SNX29: variants seen among roughly 807,000 people sequenced by gnomAD.
The protein encoded by SNX29 is sorting nexin-29.
A neutral mutation model predicts 102.1 loss-of-function variants in SNX29; 78 were observed. The observed-to-expected ratio is 0.76, with a 90% CI of 0.64 to 0.92. The LOEUF (loss-of-function observed/expected upper bound fraction) is 0.92, where lower values mean the gene tolerates loss of function less well. Among genes scored for constraint, SNX29 ranks in the 40% least tolerant of loss-of-function variants. The pLI is 0.00. For synonymous variants in SNX29, 580 were observed against 414.5 expected, an observed-to-expected ratio of 1.40 and a Z score of -4.85; for missense variants, 1,280 against 1,061.7, an observed-to-expected ratio of 1.21 and a Z score of -2.86.
chr16:12,064,189 CCCCT>C (rs1177907876), intron 9 of SNX29, among the ~76,000 whole-genome samples: 2 of 152,174 alleles, frequency 1.3e-5, no homozygotes, highest in Admixed American at 6.5e-5. Context: ...TTAGCTGGGC[CCCCT>C]GAACCATCAG....
At chr16:12,387,897 A>G (rs1455147664) in intron 16 of SNX29, among the ~76,000 whole-genome samples, 1 of 152,108 alleles carries the variant, frequency 6.6e-6, no homozygotes, top group Non-Finnish European at 1.5e-5. Flanking sequence ...ATTAAACTCT[A>G]AGGAAGAACC....
chr16:12,380,604 TCCAC>T (rs2083056159), intron 16 of SNX29, among the ~76,000 whole-genome samples: 2 of 21,094 alleles, frequency 9.5e-5, no homozygotes, highest in Admixed American at 5.1e-4. Context: ...CATCCACCCA[TCCAC>T]CATCCATCCA....
At chr16:12,524,621 G>A (rs1177838591) in intron 19 of SNX29, 81 bp from the exon 20 acceptor site, 21 of 1,496,144 alleles carry the variant, frequency 1.4e-5, no homozygotes, top group Admixed American at 2.2e-5. Context: ...TGGCGCTGAT[G>A]GGTGATCGCC....
intron 20 of SNX29, among the ~76,000 whole-genome samples, chr16:12,525,701 C>CCA (rs1325584664): frequency 2.8e-5 from 3 of 108,494 alleles, no homozygotes; most frequent in African/African-American, 1.3e-4. Flanking sequence ...CCCCCCCACC[C>CCA]CCCCCCCCAA....
At chr16:12,543,936 G>T (rs1354209272) in intron 20 of SNX29, among the ~76,000 whole-genome samples, 1 of 152,128 alleles carries the variant, frequency 6.6e-6, no homozygotes, top group Non-Finnish European at 1.5e-5. Flanking sequence ...GCACCCTCTC[G>T]TTCTAAGCGA....
intron 15 of SNX29, among the ~76,000 whole-genome samples, chr16:12,308,131 A>G (rs1343774301): frequency 6.6e-6 from 1 of 152,210 alleles, no homozygotes; most frequent in Non-Finnish European, 1.5e-5. Flanking sequence ...AAGGTGATGC[A>G]TGGTCTCTGC....
chr16:12,541,896 G>C lies in SNX29; in HGVS notation c.2318+17055G>C, dbSNP rs148368606. ...ATGCTTGATGAATGTTTATGATGAT[G>C]CAACAGATGTTTTCCACTGATTGCC... On this transcript the variant is annotated intron_variant, in intron 20 of 20. Coordinates refer to ENST00000566228, the MANE Select transcript of SNX29 (RefSeq NM_032167.5). Among the ~76,000 whole-genome samples, 163 of 152,276 alleles carry C rather than the reference G, an allele frequency of 1.1e-3. No individual in the cohort carries two copies. The Middle Eastern group carries it at 0.017, about 16-fold the overall frequency.
At chr16:12,511,903 A>C (rs2089637992) in intron 19 of SNX29, among the ~76,000 whole-genome samples, 1 of 151,786 alleles carries the variant, frequency 6.6e-6, no homozygotes, top group South Asian at 2.1e-4. Context: ...AAACCACTGG[A>C]CGGCGTTGGG....
chr16:12,375,866 T>C (rs2082854017), intron 16 of SNX29: 2 of 151,950 alleles, frequency 1.3e-5, no homozygotes, highest in African/African-American at 4.8e-5. Flanking sequence ...GCCCCATCTC[T>C]ACTAAAAACA....
At chr16:12,143,702 A>G (rs1405633923) in intron 13 of SNX29, among the ~76,000 whole-genome samples, 1 of 152,214 alleles carries the variant, frequency 6.6e-6, no homozygotes, top group Non-Finnish European at 1.5e-5. Context: ...GAAGTAAATT[A>G]TGCCTCCATT....
rs1256073137 is a variant in SNX29, at chr16:12,013,499, AAATATATATATAT to A, written c.122+10458_122+10470del. Among the ~76,000 whole-genome samples, 23 of 69,002 alleles carry A rather than the reference AAATATATATATAT, an allele frequency of 3.3e-4. 1 individual carries two copies. The highest frequency in any genetic ancestry group is 1.2e-3 in the African/African-American group (19 of 15,286). 45.3% of individuals were successfully genotyped at this position (69,002 alleles called of 152,430 possible). A position where few individuals can be genotyped will look rare whatever the true frequency, so the allele number is the denominator to read the frequency against. On this transcript the variant is annotated intron_variant, in intron 3 of 20. Transcript: ENST00000566228. ...TGTCTCTACTGGGGGAAAAAAAAAA[AAATATATATATAT>A]ATATATATATATATATATATATATA...
chr16:12,462,083 C>G (rs1363008203), intron 18 of SNX29, among the ~76,000 whole-genome samples: 3 of 136,040 alleles, frequency 2.2e-5, no homozygotes, highest in African/African-American at 8.2e-5. Flanking sequence ...GTGTGGAGAT[C>G]AATATCTCAA....
At chr16:12,490,155 G>A (rs1383782566) in intron 19 of SNX29, among the ~76,000 whole-genome samples, 1 of 152,090 alleles carries the variant, frequency 6.6e-6, no homozygotes, top group African/African-American at 2.4e-5. Context: ...CAATTTTAAG[G>A]TACAGTTTGA....
At chr16:12,513,346 C>T (rs2089718804) in intron 19 of SNX29, among the ~76,000 whole-genome samples, 1 of 105,746 alleles carries the variant, frequency 9.5e-6, no homozygotes, top group Admixed American at 8.6e-5. Context: ...CTGCCCTGCC[C>T]TGCTCTCTTC....
At chr16:12,403,994 T>C (rs1395473499) in intron 18 of SNX29, among the ~76,000 whole-genome samples, 1 of 152,140 alleles carries the variant, frequency 6.6e-6, no homozygotes, top group Non-Finnish European at 1.5e-5. Flanking sequence ...CGGGTCTCAC[T>C]GGTGTGTCCT....
At chr16:12,251,060 G>A (rs1462211630) in intron 14 of SNX29, among the ~76,000 whole-genome samples, 1 of 152,260 alleles carries the variant, frequency 6.6e-6, no homozygotes, top group Non-Finnish European at 1.5e-5. Context: ...TGGCCAGGCT[G>A]CGCAGGACAT....
intron 15 of SNX29, among the ~76,000 whole-genome samples, chr16:12,319,475 C>T (rs776890052): frequency 3.3e-5 from 5 of 152,146 alleles, no homozygotes; most frequent in Non-Finnish European, 7.3e-5. Flanking sequence ...CAGAGCGAGA[C>T]CCTGTCTTAA....
At chr16:12,313,652 C>T (rs146386968) in intron 15 of SNX29, among the ~76,000 whole-genome samples, 47 of 152,348 alleles carry the variant, frequency 3.1e-4, no homozygotes, top group African/African-American at 7.9e-4. Context: ...TGTGTTATAG[C>T]AGCTGACTCA....
chr16:12,196,622 C>CTTTTTTTTTTTTTTTTTTCT (rs34779383), intron 13 of SNX29, among the ~76,000 whole-genome samples: 1 of 129,662 alleles, frequency 7.7e-6, no homozygotes, highest in Non-Finnish European at 1.6e-5. Context: ...TTTCTTTTTT[C>CTTTTTTTTTTTTTTTTTTCT]TTTTTTTTTT....
Sources: gnomAD v4.1 joint callset for allele counts (sites outside exome capture counted in the v4.1 genomes callset) on GRCh38, gnomAD v4.1.1 for gene constraint, MANE v1.5 for transcripts, NCBI Gene and HGNC (gene_info 2026-07-23, HGNC 2026-07-21) for gene names.